The following AK9 variants were observed in gnomAD, a reference collection of about 807,000 sequenced individuals.
AK9 encodes adenylate kinase domain containing 1.
In AK9, 191 loss-of-function variants were observed where a neutral mutation model predicts 239.6. That is an observed-to-expected ratio of 0.80 (90% CI 0.71 to 0.90). The LOEUF (loss-of-function observed/expected upper bound fraction) is 0.90. Among genes scored for constraint, AK9 ranks in the 40% least tolerant of loss-of-function variants. The pLI, the probability that AK9 is intolerant of heterozygous loss-of-function variation, is 0.00. For synonymous variants in AK9, 689 were observed against 721.0 expected (o/e 0.96, Z 0.71); for missense variants, 1,995 against 2,214.7 (o/e 0.90, Z 1.99).
intron 5 of AK9, among the ~76,000 whole-genome samples, chr6:109,666,152 C>T (rs948867289): frequency 5.3e-5 from 8 of 152,136 alleles, no homozygotes; most frequent in African/African-American, 1.7e-4. Flanking sequence ...TGAGAGATGT[C>T]TAGTATTATC....
At chr6:109,602,965 C>A (rs1318034646) in intron 17 of AK9, among the ~76,000 whole-genome samples, 1 of 152,124 alleles carries the variant, frequency 6.6e-6, no homozygotes, top group African/African-American at 2.4e-5. Context: ...TTCTAGTTAG[C>A]CATTCGTCTA....
At chr6:109,584,710 A>T (rs1789270432) in intron 19 of AK9, among the ~76,000 whole-genome samples, 1 of 151,804 alleles carries the variant, frequency 6.6e-6, no homozygotes, top group Admixed American at 6.6e-5. Flanking sequence ...CATGTGTAGA[A>T]CTTAGTCAGG....
At chr6:109,560,183 T>C (rs960367160) in intron 24 of AK9, among the ~76,000 whole-genome samples, 2 of 152,244 alleles carry the variant, frequency 1.3e-5, no homozygotes, top group Non-Finnish European at 2.9e-5. Context: ...TGGCGTGCCA[T>C]TATTCAGCCT....
chr6:109,600,864 G>A (rs149396080), intron 17 of AK9, among the ~76,000 whole-genome samples: 8,892 of 152,182 alleles, frequency 0.058, 460 homozygotes, highest in African/African-American at 0.13. Context: ...GTTTATTTGC[G>A]TGGAGGTGTT....
chr6:109,623,862 G>GACACACACACACAC lies in AK9; in HGVS notation c.1255-4640_1255-4627dup, dbSNP rs567410173. 1.8e-3 allele frequency among the ~76,000 whole-genome samples: 244 copies of GACACACACACACAC among 136,182 alleles called. 2 individuals carry two copies. The highest frequency in any genetic ancestry group is 2.6e-3 in the Admixed American group (35 of 13,344). 89.3% of individuals were successfully genotyped at this position (136,182 alleles called of 152,430 possible). On this transcript the variant is annotated intron_variant, in intron 12 of 40. Transcript: ENST00000424296. ...AATGATGAACTAGTTAGGAATCTTA[G>GACACACACACACAC]ACACACACACACACACACACACACA...
chr6:109,518,696 T>A (rs1345469301), intron 29 of AK9, among the ~76,000 whole-genome samples: 2 of 152,050 alleles, frequency 1.3e-5, no homozygotes, highest in African/African-American at 4.8e-5. Context: ...AATTACATCA[T>A]ATTTTAAACA....
At chr6:109,604,047 C>T (rs1792490789) in intron 17 of AK9, among the ~76,000 whole-genome samples, 2 of 152,086 alleles carry the variant, frequency 1.3e-5, no homozygotes, top group South Asian at 2.1e-4. Context: ...CACCGTGCTT[C>T]AGCTCATGCT....
chr6:109,579,197 C>T (rs117610158), intron 20 of AK9: 29 of 172,750 alleles, frequency 1.7e-4, no homozygotes, highest in Non-Finnish European at 3.5e-4. Context: ...ATGGTTCTAA[C>T]GAAGTAATTC....
At position 109,691,177 on chromosome 6, in the gene AK9, G is replaced by T; in HGVS notation, c.-42C>A. The stretch of plus-strand genomic sequence containing the variant: ...ATGGTGCCCTTCGCTTCCTCTCTCG[G>T]CAGCACGCAGGTCCCGGGAGCCTCT... On this transcript the variant is annotated 5_prime_UTR_variant, in exon 1 of 41. Transcript: ENST00000424296. 1.7e-6 allele frequency: 1 copy of T among 575,844 alleles called. No individual in the cohort carries two copies. Among genetic ancestry groups the T allele is most frequent in the Non-Finnish European group, 3.1e-6 (1 of 321,320 alleles). 35.7% of individuals were successfully genotyped at this position (575,844 alleles called of 1,614,324 possible). A position where few individuals can be genotyped will look rare whatever the true frequency, so the allele number is the denominator to read the frequency against.
chr6:109,529,213 G>A (rs992946947), intron 28 of AK9, 140 bp from the exon 29 acceptor site: 44 of 952,530 alleles, frequency 4.6e-5, no homozygotes, highest in Non-Finnish European at 5.7e-5. Context: ...ATGTGATGGC[G>A]GTAATCATGT....
intron 25 of AK9, among the ~76,000 whole-genome samples, chr6:109,549,273 A>G (rs1784004868): frequency 6.6e-6 from 1 of 152,194 alleles, no homozygotes; most frequent in African/African-American, 2.4e-5. Flanking sequence ...TCGAAACTCA[A>G]CCAATCAGGA....
chr6:109,564,045 C>T (rs1394292863), intron 23 of AK9, 35 bp downstream of exon 23: 1 of 1,514,244 alleles, frequency 6.6e-7, no homozygotes, highest in Admixed American at 2.1e-5. Context: ...CTATCACCTG[C>T]TGTTGATAAT....
chr6:109,628,540 C>T (rs946443241), intron 12 of AK9, among the ~76,000 whole-genome samples: 1 of 152,198 alleles, frequency 6.6e-6, no homozygotes, highest in Non-Finnish European at 1.5e-5. Context: ...AGTTCACTGT[C>T]ATGGCTGGAA....
chr6:109,618,067 C>T (rs1421979274), intron 13 of AK9, among the ~76,000 whole-genome samples: 1 of 152,120 alleles, frequency 6.6e-6, no homozygotes, highest in African/African-American at 2.4e-5. Context: ...TTACTTTTGT[C>T]ATCAGAAAAA....
chr6:109,650,463 A>G (rs1229466234), intron 8 of AK9, among the ~76,000 whole-genome samples: 1 of 152,126 alleles, frequency 6.6e-6, no homozygotes, highest in Admixed American at 6.6e-5. Context: ...TTCTGCAGCC[A>G]ACAGACACAT....
At chr6:109,578,216 G>A (rs1441874106) in intron 20 of AK9, among the ~76,000 whole-genome samples, 2 of 151,318 alleles carry the variant, frequency 1.3e-5, no homozygotes, top group Non-Finnish European at 2.9e-5. Context: ...TTACAGGCAT[G>A]AGCCACCATG....
intron 26 of AK9, among the ~76,000 whole-genome samples, chr6:109,544,959 T>A (rs1476108262): frequency 6.6e-6 from 1 of 152,204 alleles, no homozygotes; most frequent in Admixed American, 6.5e-5. Flanking sequence ...TTTTTCTGAA[T>A]TTTTTTGGAG....
chr6:109,542,621 C>G (rs537292084), intron 26 of AK9, among the ~76,000 whole-genome samples: 1 of 152,242 alleles, frequency 6.6e-6, no homozygotes, highest in African/African-American at 2.4e-5. Context: ...ACCCCAAAAT[C>G]TATATTCATA....
intron 19 of AK9, among the ~76,000 whole-genome samples, chr6:109,583,470 C>A (rs929255941): frequency 2.6e-5 from 4 of 152,100 alleles, no homozygotes; most frequent in African/African-American, 9.7e-5. Context: ...TCTAACCAAC[C>A]TATAAGGCCT....
Sources: allele counts gnomAD v4.1 joint callset (sites outside exome capture counted in the v4.1 genomes callset), GRCh38; gene constraint gnomAD v4.1.1; transcripts MANE v1.5; gene names NCBI Gene and HGNC (gene_info 2026-07-23, HGNC 2026-07-21).